The following STON1 variants were observed in gnomAD, a reference collection of about 807,000 sequenced individuals.
STON1 encodes the protein stonin 1, also known as stonin-1.
Under a neutral mutation model 60.9 loss-of-function variants are expected in STON1, and 79 were observed. The observed-to-expected ratio is 1.30, with a 90% CI of 1.08 to 1.56. The LOEUF (loss-of-function observed/expected upper bound fraction) is 1.56, where lower values mean the gene tolerates loss of function less well. Among genes scored for constraint, STON1 ranks in the 40% most tolerant of loss-of-function variants. STON1 has a pLI of 0.00. For missense variants in STON1, 1,166 were observed against 858.9 expected, an observed-to-expected ratio of 1.36 and a Z score of -4.47; for synonymous variants, 363 against 306.9, an observed-to-expected ratio of 1.18 and a Z score of -1.91.
rs867856416 is a variant in STON1 at position 48,591,576 on chromosome 2, T to C, written c.1931-77T>C. 3.0e-5 allele frequency: 47 copies of C among 1,550,990 alleles called. No homozygotes were observed. In the Middle Eastern group the frequency reaches 1.4e-3, roughly 47 times the overall value. ...TGAAATTCCTTATTAAGGAGAGAGATGAGTGCCTTTTATGTTCAAGAGAAA... is the reference window on the plus strand; with the variant it reads ...TGAAATTCCTTATTAAGGAGAGAGACGAGTGCCTTTTATGTTCAAGAGAAA... On this transcript the variant is annotated intron_variant, in intron 2 of 3. Coordinates refer to ENST00000404752, the MANE Select transcript of STON1 (RefSeq NM_006873.4).
intron 2 of STON1, among the ~76,000 whole-genome samples, chr2:48,586,663 CT>C (rs564867201): frequency 7.9e-5 from 12 of 152,000 alleles, no homozygotes; most frequent in East Asian, 7.8e-4. Context: ...GTATTAAGAC[CT>C]TGTGGGCCAT....
chr2:48,573,783 A>G (rs894197963), intron 1 of STON1, among the ~76,000 whole-genome samples: 12 of 152,254 alleles, frequency 7.9e-5, no homozygotes, highest in African/African-American at 2.9e-4. Flanking sequence ...ATGTCTATCA[A>G]CTGATAAATG....
In STON1 at chr2:48,582,428, C is replaced by G. The variant is rs147440328; in HGVS notation, c.1795C>G (p.Arg599Gly). The stretch of plus-strand genomic sequence containing the variant: ...GAAGTCTCTGAAAGCTAAAATGAAC[C>G]GCCGAGCATGTCTGGGGAGTTTACA... ...RQKSLKAKMNRRACLGSLQEL... is the reference protein window; with the variant it reads ...RQKSLKAKMNGRACLGSLQEL... The change falls in exon 2 of 4, where the codon CGC (arginine) becomes GGC (glycine). Residue 599 changes from arginine to glycine, a missense_variant. Arg to Gly is a moderately radical substitution (Grantham distance 125). Transcript: ENST00000404752. 1.2e-6 allele frequency: 2 copies of G among 1,614,018 alleles called. No homozygotes were observed. The highest frequency in any genetic ancestry group is 1.3e-5 in the African/African-American group (1 of 74,900).
chr2:48,574,943 T>G (rs925990576), intron 1 of STON1, among the ~76,000 whole-genome samples: 4 of 152,260 alleles, frequency 2.6e-5, no homozygotes, highest in African/African-American at 9.6e-5. Context: ...GATATGCACA[T>G]TGTTGTACAG....
At chr2:48,550,077 G>C (rs573512042) in intron 1 of STON1, among the ~76,000 whole-genome samples, 2 of 152,168 alleles carry the variant, frequency 1.3e-5, no homozygotes, top group African/African-American at 4.8e-5. Context: ...AGATGCTCTA[G>C]TTGAGGATTC....
chr2:48,549,053 C>T lies in STON1; in HGVS notation c.-48+18837C>T, dbSNP rs144959334. Among the ~76,000 whole-genome samples, 1,175 of 152,272 alleles carry T rather than the reference C, an allele frequency of 7.7e-3. 9 individuals carry two copies. The highest frequency in any genetic ancestry group is 0.014 in the Middle Eastern group (4 of 294). On this transcript the variant is annotated intron_variant, in intron 1 of 3. Transcript: ENST00000404752. ...TCTTGATTTCCCTCACCGCCTCTGT[C>T]TTGGAGATCACAGTGCATTTGCTAA...
chr2:48,554,723 T>A (rs1430678145), intron 1 of STON1, among the ~76,000 whole-genome samples: 2 of 85,996 alleles, frequency 2.3e-5, no homozygotes, highest in East Asian at 2.9e-4. Context: ...TTTTTTTTTT[T>A]TTATTTATTT....
intron 1 of STON1, among the ~76,000 whole-genome samples, chr2:48,562,914 A>C (rs1672669536): frequency 6.6e-6 from 1 of 152,210 alleles, no homozygotes; most frequent in Non-Finnish European, 1.5e-5. Context: ...CACTTGGTTG[A>C]ACAACACACT....
intron 1 of STON1, among the ~76,000 whole-genome samples, chr2:48,576,803 C>G (rs1207793552): frequency 6.6e-6 from 1 of 151,998 alleles, no homozygotes; most frequent in African/African-American, 2.4e-5. Context: ...CGCCTGTAAT[C>G]CCAGCATTTT....
intron 1 of STON1, among the ~76,000 whole-genome samples, chr2:48,564,295 A>T (rs555329420): frequency 6.6e-6 from 1 of 151,976 alleles, no homozygotes; most frequent in South Asian, 2.1e-4. Flanking sequence ...GTCTAAGATC[A>T]GGGTACTAGC....
At chr2:48,561,971 G>A (rs960604696) in intron 1 of STON1, among the ~76,000 whole-genome samples, 9 of 151,954 alleles carry the variant, frequency 5.9e-5, no homozygotes, top group South Asian at 4.2e-4. Context: ...AGTGATTCTC[G>A]TGCCTCAGCC....
At chr2:48,574,931 A>G (rs1360274068) in intron 1 of STON1, among the ~76,000 whole-genome samples, 1 of 152,252 alleles carries the variant, frequency 6.6e-6, no homozygotes, top group Non-Finnish European at 1.5e-5. Context: ...GGTGTTATGA[A>G]CGATATGCAC....
Position 48,582,282 on chromosome 2 carries a change from C to T in STON1, c.1649C>T (p.Ala550Val), listed in dbSNP as rs1018142447. ...YVELQAFVNMASLAQRSSYAG... is the reference protein window; with the variant it reads ...YVELQAFVNMVSLAQRSSYAG... Reference sequence around the variant, plus strand: ...GAACTTCAGGCTTTTGTCAACATGGCCTCATTGGCGCAGAGGTCATCCTAT... The same window carrying T: ...GAACTTCAGGCTTTTGTCAACATGGTCTCATTGGCGCAGAGGTCATCCTAT... The change falls in exon 2 of 4, where the codon GCC (alanine) becomes GTC (valine). Residue 550 changes from alanine to valine, a missense_variant. Ala to Val is a moderately conservative substitution (Grantham distance 64, BLOSUM62 0). Coordinates refer to ENST00000404752, the MANE Select transcript of STON1 (RefSeq NM_006873.4). 1.2e-6 allele frequency: 2 copies of T among 1,614,090 alleles called. No individual in the cohort carries two copies. The highest frequency in any genetic ancestry group is 2.7e-5 in the African/African-American group (2 of 74,928).
intron 2 of STON1, among the ~76,000 whole-genome samples, chr2:48,590,702 CT>C (rs1674465886): frequency 6.8e-6 from 1 of 148,052 alleles, no homozygotes; most frequent in Non-Finnish European, 1.5e-5. Flanking sequence ...TATCCAGTAT[CT>C]CTGGGTCTGG....
intron 1 of STON1, among the ~76,000 whole-genome samples, chr2:48,576,828 G>A (rs1035164468): frequency 1.3e-5 from 2 of 152,066 alleles, no homozygotes; most frequent in Non-Finnish European, 2.9e-5. Flanking sequence ...GCAGAGACGG[G>A]TGGAGCACAA....
chr2:48,565,025 C>G (rs13014112), intron 1 of STON1, among the ~76,000 whole-genome samples: 46,997 of 142,708 alleles, frequency 0.33, 7,969 homozygotes, highest in East Asian at 0.39. Flanking sequence ...GAGCCACTGT[C>G]CCTGGCCCTC....
rs559101023 is a variant in STON1, at chr2:48,598,395, A to C, written c.*3093A>C. The C allele has an allele frequency of 4.4e-4, 67 of 152,742 alleles. No homozygotes were observed. Among genetic ancestry groups the C allele is most frequent in the African/African-American group, 1.6e-3 (66 of 41,578 alleles). 9.5% of individuals were successfully genotyped at this position (152,742 alleles called of 1,614,324 possible). On this transcript the variant is annotated 3_prime_UTR_variant, in exon 4 of 4. Coordinates refer to ENST00000404752, the MANE Select transcript of STON1 (RefSeq NM_006873.4). The stretch of plus-strand genomic sequence containing the variant: ...AATGACTATTATAATGTCTTACTTA[A>C]AATACAGTTTTGTATTCTGTCAATG...
At chr2:48,583,838 G>A (rs1674044870) in intron 2 of STON1, among the ~76,000 whole-genome samples, 3 of 148,876 alleles carry the variant, frequency 2.0e-5, no homozygotes, top group Admixed American at 6.8e-5. Flanking sequence ...TGCAACCTCC[G>A]CCTCTCGGGT....
At chr2:48,558,285 T>C (rs554575837) in intron 1 of STON1, among the ~76,000 whole-genome samples, 104 of 152,332 alleles carry the variant, frequency 6.8e-4, no homozygotes, top group Non-Finnish European at 1.4e-3. Context: ...TTGTTACGTA[T>C]TTATACACAT....
Sources: allele counts gnomAD v4.1 joint callset (sites outside exome capture counted in the v4.1 genomes callset), GRCh38; gene constraint gnomAD v4.1.1; transcripts MANE v1.5; gene names NCBI Gene and HGNC (gene_info 2026-07-23, HGNC 2026-07-21).